UST: variants seen among roughly 807,000 people sequenced by gnomAD.
The protein encoded by UST is uronyl 2-sulfotransferase, also known as chondroitin sulfate 2-O-sulfotransferase.
In UST, 21 loss-of-function variants were observed where a neutral mutation model predicts 45.6. The observed-to-expected ratio is 0.46, with a 90% CI of 0.33 to 0.66. The LOEUF is 0.66. Ranked by LOEUF, UST falls within the 30% of genes least tolerant of loss-of-function variation. The pLI is 0.02. For missense variants in UST, 463 were observed against 512.4 expected, an observed-to-expected ratio of 0.90 and a Z score of 0.93; for synonymous variants, 215 against 200.6, an observed-to-expected ratio of 1.07 and a Z score of -0.61.
chr6:148,780,119 G>GTA lies in UST; in HGVS notation c.247+32451_247+32452dup, dbSNP rs1233121331. 9.3e-5 allele frequency among the ~76,000 whole-genome samples: 13 copies of GTA among 140,352 alleles called. No individual in the cohort carries two copies. The South Asian group carries it at 1.1e-3, about 12-fold the overall frequency. The allele number at this position is 140,352 out of a possible 152,430, so 92.1% of individuals were successfully genotyped here. A position where few individuals can be genotyped will look rare whatever the true frequency, so the allele number is the denominator to read the frequency against. On this transcript the variant is annotated intron_variant, in intron 1 of 7. Coordinates refer to ENST00000367463, the MANE Select transcript of UST (RefSeq NM_005715.3). ...CACACACACACAAATACATGTGTGT[G>GTA]TATATATATACACACACACACACAC...
chr6:148,913,646 A>C (rs9390628), intron 2 of UST, among the ~76,000 whole-genome samples: 1 of 151,794 alleles, frequency 6.6e-6, no homozygotes, highest in African/African-American at 2.4e-5. Flanking sequence ...GCTGATTCCA[A>C]TGCTTTGGCT....
chr6:148,804,709 A>G (rs1777114893), intron 1 of UST, among the ~76,000 whole-genome samples: 1 of 152,064 alleles, frequency 6.6e-6, no homozygotes, highest in Admixed American at 6.6e-5. Context: ...ATGTGATTTC[A>G]TATTATTTTG....
intron 2 of UST, among the ~76,000 whole-genome samples, chr6:148,915,629 T>C (rs758421399): frequency 6.6e-6 from 1 of 152,234 alleles, no homozygotes; most frequent in African/African-American, 2.4e-5. Flanking sequence ...CCACAAACGA[T>C]AAACATCCAT....
At chr6:149,048,863 C>T (rs182092272) in intron 7 of UST, among the ~76,000 whole-genome samples, 4 of 152,172 alleles carry the variant, frequency 2.6e-5, no homozygotes, top group South Asian at 4.1e-4. Context: ...ACTGAGCAGT[C>T]GTGGAGTCCC....
At chr6:148,795,602 A>G (rs188754332) in intron 1 of UST, among the ~76,000 whole-genome samples, 58 of 152,288 alleles carry the variant, frequency 3.8e-4, no homozygotes, top group Middle Eastern at 6.8e-3. Context: ...GGGACTTTTA[A>G]AAAAACCCAA....
At chr6:149,007,994 G>A (rs78431764) in intron 5 of UST, among the ~76,000 whole-genome samples, 2,690 of 152,202 alleles carry the variant, frequency 0.018, 73 homozygotes, top group African/African-American at 0.06. Context: ...AACTGTTGCT[G>A]CAGTACGGTT....
chr6:148,986,611 C>T (rs561734500), intron 5 of UST, among the ~76,000 whole-genome samples: 144 of 152,342 alleles, frequency 9.5e-4, no homozygotes, highest in African/African-American at 4.3e-4. Context: ...AGGCATTTGC[C>T]GGTACACCAC....
intron 2 of UST, among the ~76,000 whole-genome samples, chr6:148,910,015 T>G (rs1181313051): frequency 6.6e-6 from 1 of 151,840 alleles, no homozygotes; most frequent in East Asian, 1.9e-4. Flanking sequence ...TGCTATTTAA[T>G]GATTTGGAAG....
At chr6:148,873,323 GGGGCCCCCATCT>G in intron 1 of UST, among the ~76,000 whole-genome samples, 1 of 152,038 alleles carries the variant, frequency 6.6e-6, no homozygotes, top group Non-Finnish European at 1.5e-5. Context: ...TGCTGAGATG[GGGGCCCCCATCT>G]CACTTGTCCC....
intron 7 of UST, among the ~76,000 whole-genome samples, chr6:149,024,262 C>T (rs34368036): frequency 6.6e-6 from 1 of 152,044 alleles, no homozygotes; most frequent in Admixed American, 6.5e-5. Flanking sequence ...TCTTCAGGAC[C>T]CCGGGCCAGT....
rs954027449 is a variant in UST at position 148,898,237 on chromosome 6, C to A, written c.291+11208C>A. Among the ~76,000 whole-genome samples, 3 of 151,970 alleles carry A rather than the reference C, an allele frequency of 2.0e-5. 1 individual carries two copies. Among genetic ancestry groups the A allele is most frequent in the Non-Finnish European group, 4.4e-5 (3 of 67,994 alleles). ...CACCCTCTCATTTTTTTTATCATTG[C>A]AAGTGATAGGAAAATTAATGATGTG... is the stretch of plus-strand genomic sequence containing the variant. On this transcript the variant is annotated intron_variant, in intron 2 of 7. Transcript: ENST00000367463.
rs541215090 is a variant in UST, at chr6:149,004,591, A to G, written c.682-14548A>G. ...ACCTGGTGACTGGCTTGATATTCAC[A>G]AGCAAGACTCTATTCCACTGGAGGT... On this transcript the variant is annotated intron_variant, in intron 5 of 7. Transcript: ENST00000367463. Among the ~76,000 whole-genome samples the G allele has an allele frequency of 2.6e-5, 4 of 152,336 alleles. No homozygotes were observed. In the South Asian group the frequency reaches 8.3e-4, roughly 32 times the overall value.
chr6:149,044,600 A>G (rs1439658587), intron 7 of UST, among the ~76,000 whole-genome samples: 2 of 152,186 alleles, frequency 1.3e-5, no homozygotes, highest in Non-Finnish European at 2.9e-5. Flanking sequence ...GCTGAACTTA[A>G]TATGAAGTGT....
chr6:148,940,518 C>G (rs1280939859), intron 2 of UST, among the ~76,000 whole-genome samples: 1 of 151,934 alleles, frequency 6.6e-6, no homozygotes, highest in African/African-American at 2.4e-5. Flanking sequence ...ACATATATAT[C>G]AATAACAAGT....
At chr6:148,964,150 T>C (rs956478096) in intron 4 of UST, among the ~76,000 whole-genome samples, 1 of 152,214 alleles carries the variant, frequency 6.6e-6, no homozygotes. Flanking sequence ...CACAATGGTG[T>C]GGTTTGTACC....
chr6:148,780,431 C>T (rs1408686930), intron 1 of UST, among the ~76,000 whole-genome samples: 1 of 152,128 alleles, frequency 6.6e-6, no homozygotes, highest in African/African-American at 2.4e-5. Flanking sequence ...TTCTCTCCCT[C>T]CTCCCACTCC....
In UST at chr6:149,039,535, C is replaced by T. The variant is rs147133888; in HGVS notation, c.937+18054C>T. Among the ~76,000 whole-genome samples, 10 of 152,286 alleles carry T rather than the reference C, an allele frequency of 6.6e-5. No homozygotes were observed. The South Asian group carries it at 1.9e-3, about 28-fold the overall frequency. ...ATTTCTAATAGTCACAGCGGCACGGCAAGTTAGATATTAGCATTGCTATTC... is the reference window on the plus strand; with the variant it reads ...ATTTCTAATAGTCACAGCGGCACGGTAAGTTAGATATTAGCATTGCTATTC... On this transcript the variant is annotated intron_variant, in intron 7 of 7. Coordinates refer to ENST00000367463, the MANE Select transcript of UST (RefSeq NM_005715.3).
intron 7 of UST, among the ~76,000 whole-genome samples, chr6:149,068,119 C>T (rs1480491335): frequency 1.3e-5 from 2 of 152,036 alleles, no homozygotes; most frequent in Admixed American, 6.5e-5. Context: ...CCTGTGAGAT[C>T]GGTTGTTAAG....
chr6:148,752,881 C>CT (rs997821260), intron 1 of UST, among the ~76,000 whole-genome samples: 19 of 151,248 alleles, frequency 1.3e-4, no homozygotes, highest in East Asian at 1.2e-3. Context: ...GGAGTTGCTG[C>CT]TTTTTTTTTG....
Sources: allele counts gnomAD v4.1 joint callset (sites outside exome capture counted in the v4.1 genomes callset), GRCh38; gene constraint gnomAD v4.1.1; transcripts MANE v1.5; gene names NCBI Gene and HGNC (gene_info 2026-07-23, HGNC 2026-07-21).